Variants in GAP43 observed in about 807,000 individuals in gnomAD.
The protein encoded by GAP43 is growth associated protein 43.
Under a neutral mutation model 18.6 loss-of-function variants are expected in GAP43, and 6 were observed. That is an observed-to-expected ratio of 0.32 (90% confidence interval 0.18 to 0.64). GAP43 has a LOEUF of 0.64. GAP43 is among the 30% of genes least tolerant of loss of function. The probability of loss-of-function intolerance (pLI) is 0.78; values close to 1 mark genes in which losing one functional copy is unlikely to be tolerated. For missense variants in GAP43, 292 were observed against 295.5 expected, an observed-to-expected ratio of 0.99 and a Z score of 0.09; for synonymous variants, 115 against 111.4, an observed-to-expected ratio of 1.03 and a Z score of -0.20.
At chr3:115,686,104 A>C (rs2107354853) in intron 2 of GAP43, among the ~76,000 whole-genome samples, 1 of 152,356 alleles carries the variant, frequency 6.6e-6, no homozygotes, top group South Asian at 2.1e-4. Context: ...CCAAATAAGC[A>C]GTTGGGAAGA....
chr3:115,706,425 A>C (rs929544972), intron 2 of GAP43, among the ~76,000 whole-genome samples: 1 of 152,060 alleles, frequency 6.6e-6, no homozygotes, highest in Non-Finnish European at 1.5e-5. Flanking sequence ...TTGGCCTTTT[A>C]CTCATTCAGT....
At chr3:115,642,458 T>C (rs1244113544) in intron 1 of GAP43, among the ~76,000 whole-genome samples, 1 of 151,878 alleles carries the variant, frequency 6.6e-6, no homozygotes, top group Non-Finnish European at 1.5e-5. Flanking sequence ...GCTCATAGTA[T>C]AGTGTGGTAG....
intron 2 of GAP43, among the ~76,000 whole-genome samples, chr3:115,683,146 C>T (rs562644959): frequency 0.073 from 7,937 of 108,230 alleles, 359 homozygotes; most frequent in Non-Finnish European, 0.1. Context: ...CGCGCGCGCG[C>T]GCACACACAC....
chr3:115,676,647 G>A (rs1708894501), intron 2 of GAP43, 37 bp downstream of exon 2: 1 of 1,509,454 alleles, frequency 6.6e-7, no homozygotes, highest in African/African-American at 1.4e-5. Context: ...ATGGGTGGAT[G>A]GGGAAGGGAG....
chr3:115,625,798 T>C (rs918259263), intron 1 of GAP43, among the ~76,000 whole-genome samples: 2 of 152,184 alleles, frequency 1.3e-5, no homozygotes, highest in African/African-American at 2.4e-5. Context: ...TTTAGAGTTG[T>C]AGAAATTCGC....
At chr3:115,708,550 C>T (rs552972215) in intron 2 of GAP43, among the ~76,000 whole-genome samples, 24 of 152,248 alleles carry the variant, frequency 1.6e-4, no homozygotes, top group African/African-American at 5.5e-4. Context: ...GAGGAAGATA[C>T]CAGGCAAAGA....
rs1708429399 is a variant in GAP43, at chr3:115,644,005, T to C, written c.30+20286T>C. Among the ~76,000 whole-genome samples the C allele has an allele frequency of 6.6e-6, 1 of 152,084 alleles. No individual in the cohort carries two copies. The highest frequency in any genetic ancestry group is 6.6e-5 in the Admixed American group (1 of 15,228). On this transcript the variant is annotated intron_variant, in intron 1 of 2. Coordinates refer to ENST00000305124, the MANE Select transcript of GAP43 (RefSeq NM_002045.4). The surrounding 1 kb of genome is among the most constrained non-coding windows in gnomAD (Gnocchi z 4.2). Reference sequence around the variant, plus strand: ...CCACCTGCCTCCACTTCCTTCCTGATTGCTTTTCCTTAATCTGAACCAGCA... The same window carrying C: ...CCACCTGCCTCCACTTCCTTCCTGACTGCTTTTCCTTAATCTGAACCAGCA...
chr3:115,716,698 ATTACT>A (rs1709505686), intron 2 of GAP43, among the ~76,000 whole-genome samples: 1 of 133,142 alleles, frequency 7.5e-6, no homozygotes, highest in African/African-American at 2.7e-5. Context: ...CAAGTAAAAA[ATTACT>A]TTAATCTCAG....
chr3:115,649,909 G>A (rs757003604), intron 1 of GAP43, among the ~76,000 whole-genome samples: 66 of 152,098 alleles, frequency 4.3e-4, no homozygotes, highest in Non-Finnish European at 8.4e-4. Flanking sequence ...GAAGAACTTT[G>A]GCTGGCTGTT....
intron 1 of GAP43, among the ~76,000 whole-genome samples, chr3:115,625,284 G>T (rs1708173578): frequency 6.6e-6 from 1 of 151,052 alleles, no homozygotes; most frequent in South Asian, 2.1e-4. Context: ...GGATAGTGGG[G>T]GATTGAGTTG....
intron 1 of GAP43, among the ~76,000 whole-genome samples, chr3:115,669,853 C>T (rs1044897303): frequency 6.6e-6 from 1 of 151,898 alleles, no homozygotes; most frequent in Non-Finnish European, 1.5e-5. Context: ...AGTTTCATTG[C>T]TTCTCTGCGC....
chr3:115,695,095 C>T (rs1709167256), intron 2 of GAP43, among the ~76,000 whole-genome samples: 1 of 152,176 alleles, frequency 6.6e-6, no homozygotes, highest in Non-Finnish European at 1.5e-5. Flanking sequence ...AAGTGCTTTA[C>T]ATAAACTACC....
intron 1 of GAP43, among the ~76,000 whole-genome samples, chr3:115,662,333 T>C (rs1293376491): frequency 6.6e-6 from 1 of 152,192 alleles, no homozygotes; most frequent in Non-Finnish European, 1.5e-5. Flanking sequence ...CTTCCATATC[T>C]TCCATATCAT....
At chr3:115,676,643 G>A (rs1708894424) in intron 2 of GAP43, 33 bp downstream of exon 2, 3 of 1,517,886 alleles carry the variant, frequency 2.0e-6, no homozygotes, top group Non-Finnish European at 1.8e-6. Context: ...TGCAATGGGT[G>A]GATGGGGAAG....
chr3:115,663,411 GC>G, intron 1 of GAP43: 1 of 472,888 alleles, frequency 2.1e-6, no homozygotes, highest in Non-Finnish European at 2.8e-6. Flanking sequence ...CCATTCATCT[GC>G]TTTTCTCATT....
chr3:115,683,147 G>A (rs10804519), intron 2 of GAP43, among the ~76,000 whole-genome samples: 36,976 of 126,552 alleles, frequency 0.29, 5,439 homozygotes, highest in East Asian at 0.42. Flanking sequence ...GCGCGCGCGC[G>A]CACACACACA....
intron 2 of GAP43, among the ~76,000 whole-genome samples, chr3:115,706,051 A>C (rs1273281857): frequency 6.6e-6 from 1 of 152,146 alleles, no homozygotes; most frequent in Non-Finnish European, 1.5e-5. Flanking sequence ...GAGAACGCCC[A>C]GAAACGAGAG....
chr3:115,716,375 A>G (rs1207622493), intron 2 of GAP43, among the ~76,000 whole-genome samples: 2 of 152,114 alleles, frequency 1.3e-5, no homozygotes, highest in South Asian at 4.1e-4. Context: ...CCAAACTCAC[A>G]TGCAGTCTCC....
chr3:115,646,515 A>C (rs529640019), intron 1 of GAP43, among the ~76,000 whole-genome samples: 137 of 152,210 alleles, frequency 9.0e-4, no homozygotes, highest in Non-Finnish European at 1.6e-3. Context: ...CCTAATAGGC[A>C]ATATTGCCTA....
Sources: allele counts gnomAD v4.1 joint callset (sites outside exome capture counted in the v4.1 genomes callset), GRCh38; gene constraint gnomAD v4.1.1; non-coding constraint Gnocchi (gnomAD v3.1); transcripts MANE v1.5; gene names NCBI Gene and HGNC (gene_info 2026-07-23, HGNC 2026-07-21).